EIF1AX: variants seen among roughly 807,000 people sequenced by gnomAD.
EIF1AX encodes the protein eukaryotic translation initiation factor 1A X-linked, also known as eukaryotic translation initiation factor 1A, X-chromosomal.
In EIF1AX, 1 loss-of-function variant was observed where a neutral mutation model predicts 16.1. That is an observed-to-expected ratio of 0.06 (90% confidence interval 0.02 to 0.30). The LOEUF is 0.30. Ranked by LOEUF, EIF1AX falls within the 10% of genes least tolerant of loss-of-function variation. The probability of loss-of-function intolerance (pLI) is 1.00; values close to 1 mark genes in which losing one functional copy is unlikely to be tolerated. For missense variants in EIF1AX, 11 were observed against 109.1 expected (o/e 0.10, Z 4.00); for synonymous variants, 32 against 37.3 (o/e 0.86, Z 0.51).
chrX:20,138,141 A>T (rs777242702), intron 2 of EIF1AX, among the ~76,000 whole-genome samples: 1 of 106,456 alleles, frequency 9.4e-6, no homozygotes, highest in Non-Finnish European at 1.9e-5. Context: ...AGTAGCTGGG[A>T]TTACAGGCAC....
rs2066983524 is a variant in EIF1AX at position 20,125,822 on chromosome X, T to C, written c.*2484A>G. 1 of 157,900 alleles carries C rather than the reference T, an allele frequency of 6.3e-6. No individual in the cohort carries two copies. Among genetic ancestry groups the C allele is most frequent in the East Asian group, 9.5e-5 (1 of 10,540 alleles). 13.0% of individuals were successfully genotyped at this position (157,900 alleles called of 1,213,427 possible). A position where few individuals can be genotyped will look rare whatever the true frequency, so the allele number is the denominator to read the frequency against. ...ATTTATAGCCATGATTCCACAGATG[T>C]GGTGAGTAAACCAACAGCCATTCCT... On this transcript the variant is annotated 3_prime_UTR_variant, in exon 7 of 7. Transcript: ENST00000379607.
chrX:20,134,769 T>G (rs1002711981), intron 3 of EIF1AX, among the ~76,000 whole-genome samples: 1 of 111,303 alleles, frequency 9.0e-6, no homozygotes, highest in Non-Finnish European at 1.9e-5. Flanking sequence ...AAAAAAAGAT[T>G]TTAGTTTGGG....
chrX:20,130,349 A>G (rs1258273469), intron 6 of EIF1AX, among the ~76,000 whole-genome samples, 167 bp downstream of exon 6: 2 of 108,042 alleles, frequency 1.9e-5, no homozygotes, highest in African/African-American at 3.4e-5. Flanking sequence ...CAAAATATAA[A>G]CAGTTTGACC....
chrX:20,126,428 C>T lies in EIF1AX; in HGVS notation c.*1878G>A, dbSNP rs1420582325. The T allele has an allele frequency of 7.7e-6, 1 of 129,397 alleles. No individual in the cohort carries two copies. The highest frequency in any genetic ancestry group is 9.7e-5 in the Admixed American group (1 of 10,316). 10.7% of individuals were successfully genotyped at this position (129,397 alleles called of 1,213,427 possible). ...CAGCAAGAACAATCACCAGTAAATA[C>T]ATGAACTGGGGTTATAGCTGAATTT... On this transcript the variant is annotated 3_prime_UTR_variant, in exon 7 of 7. Transcript: ENST00000379607.
intron 2 of EIF1AX, 71 bp downstream of exon 2, chrX:20,138,467 CA>C: frequency 3.3e-6 from 3 of 904,658 alleles, no homozygotes; most frequent in Non-Finnish European, 4.8e-6. Context: ...GACGCTGTCT[CA>C]AAAAAATAAA....
rs781538389 is a variant in EIF1AX, at chrX:20,134,047, C to T, written c.205-40G>A. 8.8e-6 allele frequency: 10 copies of T among 1,133,906 alleles called. No homozygotes were observed. The Middle Eastern group carries it at 9.8e-4, about 111-fold the overall frequency. The allele number at this position is 1,133,906 out of a possible 1,213,427, so 93.4% of individuals were successfully genotyped here. ...TCACTGCCCGTCACATTTAAAATAACGAAGAATCAAGAAATTCCAGAGTAA... is the reference window on the plus strand; with the variant it reads ...TCACTGCCCGTCACATTTAAAATAATGAAGAATCAAGAAATTCCAGAGTAA... On this transcript the variant is annotated intron_variant, in intron 3 of 6. Coordinates refer to ENST00000379607, the MANE Select transcript of EIF1AX (RefSeq NM_001412.4).
chrX:20,131,565 C>T lies in EIF1AX; in HGVS notation c.337+617G>A, dbSNP rs373609092. The stretch of plus-strand genomic sequence containing the variant: ...GCTTGAACCTGGGAGGCAGAGGTTG[C>T]AGTGAGCCAAGACTGCACCACTGCA... On this transcript the variant is annotated intron_variant, in intron 5 of 6. Transcript: ENST00000379607. 3.5e-4 allele frequency among the ~76,000 whole-genome samples: 39 copies of T among 110,078 alleles called. No homozygotes were observed. In the East Asian group the frequency reaches 8.0e-3, roughly 22 times the overall value.
rs1420833215 is a variant in EIF1AX, at chrX:20,125,825, T to C, written c.*2481A>G. The stretch of plus-strand genomic sequence containing the variant: ...TATAGCCATGATTCCACAGATGTGG[T>C]GAGTAAACCAACAGCCATTCCTAAA... On this transcript the variant is annotated 3_prime_UTR_variant, in exon 7 of 7. Coordinates refer to ENST00000379607, the MANE Select transcript of EIF1AX (RefSeq NM_001412.4). 6.3e-6 allele frequency: 1 copy of C among 157,765 alleles called. No homozygotes were observed. 13.0% of individuals were successfully genotyped at this position (157,765 alleles called of 1,213,427 possible).
chrX:20,135,884 T>G, intron 2 of EIF1AX, 43 bp from the exon 3 acceptor site: 1 of 971,508 alleles, frequency 1.0e-6, no homozygotes, highest in Non-Finnish European at 1.5e-6. Flanking sequence ...TTGTTCAACT[T>G]TTGATAACAG....
chrX:20,131,892 GAC>G (rs1199813858), intron 5 of EIF1AX, among the ~76,000 whole-genome samples: 1 of 107,624 alleles, frequency 9.3e-6, no homozygotes, highest in African/African-American at 3.4e-5. Flanking sequence ...TATGCGCACT[GAC>G]AGTCTCTCGA....
At chrX:20,128,405 C>T (rs1013127899) in intron 6 of EIF1AX, 94 bp from the exon 7 acceptor site, 16 of 725,811 alleles carry the variant, frequency 2.2e-5, no homozygotes, top group Non-Finnish European at 2.8e-5. Context: ...CCTCCTTAGG[C>T]TATGTGAGAA....
Position 20,128,230 on chromosome X carries a change from T to A in EIF1AX, c.*76A>T, listed in dbSNP as rs1437224688. The A allele has an allele frequency of 1.1e-6, 1 of 946,959 alleles. No homozygotes were observed. The highest frequency in any genetic ancestry group is 2.0e-5 in the African/African-American group (1 of 50,108). The allele number at this position is 946,959 out of a possible 1,213,427, so 78.0% of individuals were successfully genotyped here. On this transcript the variant is annotated 3_prime_UTR_variant, in exon 7 of 7. Coordinates refer to ENST00000379607, the MANE Select transcript of EIF1AX (RefSeq NM_001412.4). ...TGCATTCATGCTAATGAAATTTTAA[T>A]CTTCTTTGTCATGATCAAAATCCAA...
chrX:20,139,751 G>A (rs765134151), intron 1 of EIF1AX, among the ~76,000 whole-genome samples: 3 of 111,658 alleles, frequency 2.7e-5, no homozygotes, highest in Non-Finnish European at 5.6e-5. Context: ...AGAACTGATT[G>A]GTTTCAGACA....
chrX:20,132,293 C>T (rs1386354714), intron 4 of EIF1AX, 30 bp from the exon 5 acceptor site: 1 of 946,581 alleles, frequency 1.1e-6, no homozygotes. Flanking sequence ...CTTTAAAAAA[C>T]TGATCATAAC....
Position 20,125,599 on chromosome X carries a change from G to T in EIF1AX, c.*2707C>A, listed in dbSNP as rs888534440. 3.6e-5 allele frequency: 6 copies of T among 167,265 alleles called. No homozygotes were observed. Among genetic ancestry groups the T allele is most frequent in the South Asian group, 3.2e-4 (1 of 3,158 alleles). 13.8% of individuals were successfully genotyped at this position (167,265 alleles called of 1,213,427 possible). A position where few individuals can be genotyped will look rare whatever the true frequency, so the allele number is the denominator to read the frequency against. The stretch of plus-strand genomic sequence containing the variant: ...TCCAGTCAATACCGGTTGTTGTTAA[G>T]TCTGTATACAAGTAAAGTATAAATC... On this transcript the variant is annotated 3_prime_UTR_variant, in exon 7 of 7. Transcript: ENST00000379607.
In EIF1AX at chrX:20,130,811, C is replaced by T. The variant is rs745794686; in HGVS notation, c.338-204G>A. On this transcript the variant is annotated intron_variant, in intron 5 of 6. Coordinates refer to ENST00000379607, the MANE Select transcript of EIF1AX (RefSeq NM_001412.4). ...GCAAAGGTATTTTTAGTAAGGAAGG[C>T]CCTAATTACACTAATTCTGAAGCTA... Among the ~76,000 whole-genome samples the T allele has an allele frequency of 2.3e-4, 26 of 111,928 alleles. 1 individual carries two copies. The East Asian group carries it at 7.2e-3, about 31-fold the overall frequency.
chrX:20,133,555 T>C (rs1202277804), intron 4 of EIF1AX, among the ~76,000 whole-genome samples: 20 of 109,448 alleles, frequency 1.8e-4, no homozygotes, highest in Non-Finnish European at 7.6e-5. Flanking sequence ...GCTATACAAA[T>C]AGAGATAGTA....
In EIF1AX at chrX:20,125,022, A is replaced by T; in HGVS notation, c.*3284T>A. On this transcript the variant is annotated 3_prime_UTR_variant, in exon 7 of 7. Transcript: ENST00000379607. The stretch of plus-strand genomic sequence containing the variant: ...GTACATTACATGTATAAACATCTAA[A>T]TTATCAATCCTCCCAACAATTCTGC... The T allele has an allele frequency of 6.8e-6, 1 of 146,131 alleles. No individual in the cohort carries two copies. 12.0% of individuals were successfully genotyped at this position (146,131 alleles called of 1,213,427 possible).
At chrX:20,136,323 T>G (rs866989037) in intron 2 of EIF1AX, 2 of 361,690 alleles carry the variant, frequency 5.5e-6, no homozygotes, top group Non-Finnish European at 1.1e-5. Flanking sequence ...ACTGTAGAGA[T>G]CATGCATCAG....
Sources: gnomAD v4.1 joint callset for allele counts (sites outside exome capture counted in the v4.1 genomes callset) on GRCh38, gnomAD v4.1.1 for gene constraint, MANE v1.5 for transcripts, NCBI Gene and HGNC (gene_info 2026-07-23, HGNC 2026-07-21) for gene names.